The following KIF21A variants were observed in gnomAD, a reference collection of about 807,000 sequenced individuals.
KIF21A encodes the protein kinesin-like protein KIF21A.
KIF21A carries 114 observed loss-of-function variants against 202.9 expected under a neutral mutation model. The ratio of observed to expected loss-of-function variants is 0.56; its 90% CI spans 0.48 to 0.66. KIF21A has a LOEUF of 0.66. KIF21A is among the 30% of genes least tolerant of loss of function. The probability of loss-of-function intolerance (pLI) is 0.00; values close to 1 mark genes in which losing one functional copy is unlikely to be tolerated. For synonymous variants in KIF21A, 667 were observed against 670.8 expected (o/e 0.99, Z 0.09); for missense variants, 1,677 against 1,994.9 (o/e 0.84, Z 3.04).
rs766021653 is a variant in KIF21A at position 39,332,723 on chromosome 12, T to C, written c.2724A>G (p.Gly908=). The C allele has an allele frequency of 3.1e-6, 5 of 1,613,978 alleles. No individual in the cohort carries two copies. Among genetic ancestry groups the C allele is most frequent in the Non-Finnish European group, 4.2e-6 (5 of 1,180,006 alleles). The part of the protein sequence containing the change: ...NGNRKKYQRK[G]LTGRVFISKT... Reference sequence around the variant, plus strand: ...TGGAAATAAACACTCGGCCAGTCAATCCTTTCCTCTGATATTTTTTCCTAT... The same window carrying C: ...TGGAAATAAACACTCGGCCAGTCAACCCTTTCCTCTGATATTTTTTCCTAT... Residue 908 remains glycine (G), a synonymous_variant, in exon 20 of 38, where the codon GGA becomes GGG. Transcript: ENST00000361418.
intron 37 of KIF21A, among the ~76,000 whole-genome samples, chr12:39,296,505 G>T (rs1401839516): frequency 6.6e-6 from 1 of 152,152 alleles, no homozygotes; most frequent in Non-Finnish European, 1.5e-5. Flanking sequence ...ATATTAGAAG[G>T]TGACTAGTGC....
chr12:39,322,667 C>T lies in KIF21A; in HGVS notation c.3671+1G>A. ...AGTTAGTGTAGCTGGGCCAAACTTA[C>T]ATGCTGCCTATCTTAGAAGGTAAGC... On this transcript the variant is annotated splice_donor_variant, in intron 27 of 37. Coordinates refer to ENST00000361418, the MANE Select transcript of KIF21A (RefSeq NM_001173464.2). LOFTEE classifies it high-confidence loss of function. 2 of 1,613,350 alleles carry T rather than the reference C, an allele frequency of 1.2e-6. No homozygotes were observed. Among genetic ancestry groups the T allele is most frequent in the Admixed American group, 1.7e-5 (1 of 60,000 alleles).
intron 35 of KIF21A, among the ~76,000 whole-genome samples, 172 bp downstream of exon 35, chr12:39,304,649 T>G (rs1161676264): frequency 6.6e-6 from 1 of 152,056 alleles, no homozygotes; most frequent in East Asian, 1.9e-4. Context: ...AATGCATGAT[T>G]GAACAATAAG....
chr12:39,340,071 A>C, intron 16 of KIF21A, 94 bp downstream of exon 16: 1 of 979,928 alleles, frequency 1.0e-6, no homozygotes, highest in Non-Finnish European at 1.6e-6. Flanking sequence ...ACCTTTATCG[A>C]ATATGGAAAG....
intron 32 of KIF21A, 87 bp downstream of exon 32, chr12:39,311,330 G>T (rs776944034): frequency 1.6e-4 from 200 of 1,225,936 alleles, no homozygotes; most frequent in Non-Finnish European, 2.3e-4. Flanking sequence ...GTCTTAAATA[G>T]TTTGACAGTT....
chr12:39,422,010 T>G (rs1045269359), intron 1 of KIF21A, among the ~76,000 whole-genome samples: 1 of 151,854 alleles, frequency 6.6e-6, no homozygotes, highest in African/African-American at 2.4e-5. Context: ...CAGGCCTGCA[T>G]GCAATGGCGC....
intron 1 of KIF21A, among the ~76,000 whole-genome samples, chr12:39,441,152 C>G (rs1159307136): frequency 6.6e-6 from 1 of 151,956 alleles, no homozygotes; most frequent in African/African-American, 2.4e-5. Context: ...AAAGCCTTTC[C>G]CCAAAAATCA....
chr12:39,322,953 T>C (rs1328485856), intron 26 of KIF21A, 71 bp from the exon 27 acceptor site: 1 of 1,162,742 alleles, frequency 8.6e-7, no homozygotes, highest in Admixed American at 2.2e-5. Context: ...AGAACAGAGA[T>C]TTATATGAGT....
chr12:39,299,322 A>G (rs1375078820), intron 37 of KIF21A, among the ~76,000 whole-genome samples: 1 of 152,214 alleles, frequency 6.6e-6, no homozygotes, highest in African/African-American at 2.4e-5. Context: ...CACTTTTCTA[A>G]GGAAGACATA....
chr12:39,409,445 C>T (rs972099948), intron 1 of KIF21A, among the ~76,000 whole-genome samples: 1 of 150,062 alleles, frequency 6.7e-6, no homozygotes, highest in Non-Finnish European at 1.5e-5. Flanking sequence ...ATTGTTTGAG[C>T]CTGGGAGGCT....
At chr12:39,358,046 T>A in intron 8 of KIF21A, 132 bp downstream of exon 8, 1 of 700,548 alleles carries the variant, frequency 1.4e-6, no homozygotes, top group Non-Finnish European at 2.5e-6. Context: ...GACTCTTACC[T>A]CCAAAAGGAA....
intron 1 of KIF21A, among the ~76,000 whole-genome samples, chr12:39,427,444 T>A (rs1457538844): frequency 3.3e-5 from 5 of 152,312 alleles, no homozygotes; most frequent in Middle Eastern, 3.4e-3. Context: ...GTAACGTTAT[T>A]TTTCACAGGG....
intron 1 of KIF21A, among the ~76,000 whole-genome samples, chr12:39,439,569 A>C (rs983710009): frequency 2.6e-5 from 4 of 152,212 alleles, no homozygotes; most frequent in African/African-American, 9.6e-5. Context: ...AACATACTTA[A>C]AAGTTTATGA....
intron 1 of KIF21A, among the ~76,000 whole-genome samples, chr12:39,391,355 A>G (rs1951335461): frequency 6.6e-6 from 1 of 152,148 alleles, no homozygotes; most frequent in Non-Finnish European, 1.5e-5. Context: ...TCAGTTGACA[A>G]GCGATACTAT....
chr12:39,414,231 T>C (rs1953350844), intron 1 of KIF21A, among the ~76,000 whole-genome samples: 1 of 152,204 alleles, frequency 6.6e-6, no homozygotes, highest in South Asian at 2.1e-4. Context: ...AAAGATTATG[T>C]TTTACCCAAT....
Position 39,342,113 on chromosome 12 carries a change from T to C in KIF21A, c.1724A>G (p.Lys575Arg). The C allele has an allele frequency of 6.2e-7, 1 of 1,608,678 alleles. No homozygotes were observed. The highest frequency in any genetic ancestry group is 1.1e-5 in the South Asian group (1 of 90,974). The change falls in exon 13 of 38, where the codon AAA becomes AGA. Residue 575 changes from lysine (K) to arginine (R), a missense_variant. Physicochemically the swap from Lys to Arg is conservative, Grantham distance 26 (BLOSUM62 2). Coordinates refer to ENST00000361418, the MANE Select transcript of KIF21A (RefSeq NM_001173464.2). Reference protein sequence around the residue: ...SNREERSVAGKEDNTDTDQEK... With the variant: ...SNREERSVAGREDNTDTDQEK... ...TTGGTCAGTGTCTGTATTATCCTCT[T>C]TACCAGCCACACTAAAAAAAGGAAC...
chr12:39,320,689 C>T (rs551644762), intron 27 of KIF21A, among the ~76,000 whole-genome samples: 1 of 149,762 alleles, frequency 6.7e-6, no homozygotes, highest in Non-Finnish European at 1.5e-5. Context: ...AATCCCAACA[C>T]TTTGGGAGGC....
chr12:39,363,667 A>G (rs1285651268), intron 6 of KIF21A, among the ~76,000 whole-genome samples: 4 of 152,234 alleles, frequency 2.6e-5, no homozygotes, highest in Admixed American at 2.0e-4. Context: ...AACAAAAAAA[A>G]TCAGTATTAT....
At position 39,351,982 on chromosome 12, in the gene KIF21A, T is replaced by C. The variant is rs947364137; in HGVS notation, c.1470-2A>G. On this transcript the variant is annotated splice_acceptor_variant, in intron 10 of 37. Coordinates refer to ENST00000361418, the MANE Select transcript of KIF21A (RefSeq NM_001173464.2). LOFTEE classifies it high-confidence loss of function. ...GCTTCACTTTCTAATAATTTTGCCC[T>C]AGCAAATAAAAATATATTTAAATAG... The C allele has an allele frequency of 1.9e-6, 3 of 1,609,892 alleles. No homozygotes were observed. Among genetic ancestry groups the C allele is most frequent in the Non-Finnish European group, 2.5e-6 (3 of 1,176,604 alleles).
Sources: allele counts gnomAD v4.1 joint callset (sites outside exome capture counted in the v4.1 genomes callset), GRCh38; gene constraint gnomAD v4.1.1; transcripts MANE v1.5; gene names NCBI Gene and HGNC (gene_info 2026-07-23, HGNC 2026-07-21).